COL11A1: variants seen among roughly 807,000 people sequenced by gnomAD.
COL11A1 encodes collagen alpha-1(XI) chain.
A neutral mutation model predicts 265.2 loss-of-function variants in COL11A1; 74 were observed. The ratio of observed to expected loss-of-function variants is 0.28; its 90% CI spans 0.23 to 0.34. COL11A1 has a LOEUF of 0.34. COL11A1 is among the 10% of genes least tolerant of loss of function. The pLI, the probability that COL11A1 is intolerant of heterozygous loss-of-function variation, is 1.00. For missense variants in COL11A1, 2,165 were observed against 2,263.6 expected (o/e 0.96, Z 0.88); for synonymous variants, 816 against 727.6 (o/e 1.12, Z -1.96).
chr1:103,080,849 G>A (rs1361968429), intron 2 of COL11A1, among the ~76,000 whole-genome samples: 1 of 151,812 alleles, frequency 6.6e-6, no homozygotes, highest in Non-Finnish European at 1.5e-5. Context: ...AGAGATACCT[G>A]CACTCCTATG....
intron 38 of COL11A1, among the ~76,000 whole-genome samples, chr1:102,963,887 A>C (rs976975912): frequency 2.6e-5 from 4 of 152,204 alleles, no homozygotes; most frequent in Non-Finnish European, 4.4e-5. Context: ...AGAGATTCAC[A>C]TAACTGTTTA....
At chr1:102,960,225 A>G (rs1191839208) in intron 41 of COL11A1, among the ~76,000 whole-genome samples, 1 of 152,146 alleles carries the variant, frequency 6.6e-6, no homozygotes, top group South Asian at 2.1e-4. Flanking sequence ...AGTAAAGAGT[A>G]AGTATCATGT....
At chr1:103,060,943 C>T (rs887665489) in intron 4 of COL11A1, among the ~76,000 whole-genome samples, 7 of 151,698 alleles carry the variant, frequency 4.6e-5, no homozygotes, top group Non-Finnish European at 1.0e-4. Context: ...GATTTAAATA[C>T]ACTCATTAAA....
intron 54 of COL11A1, among the ~76,000 whole-genome samples, chr1:102,901,529 G>GAC (rs11474783): frequency 0.93 from 141,390 of 152,102 alleles, 65,746 homozygotes; most frequent in East Asian, 1. Flanking sequence ...ACAAAACAAA[G>GAC]AATGCCTACG....
In COL11A1 at chr1:103,049,097, T is replaced by C. The variant is rs1471028346; in HGVS notation, c.652-17853A>G. ...GCTGTTGATTTGGGGTGGAGAGTTCTGCAGATGTCTATTAGGTCCACTTGG... is the reference window on the plus strand; with the variant it reads ...GCTGTTGATTTGGGGTGGAGAGTTCCGCAGATGTCTATTAGGTCCACTTGG... On this transcript the variant is annotated intron_variant, in intron 4 of 66. Coordinates refer to ENST00000370096, the MANE Select transcript of COL11A1 (RefSeq NM_001854.4). Among the ~76,000 whole-genome samples, 3 of 152,204 alleles carry C rather than the reference T, an allele frequency of 2.0e-5. No individual in the cohort carries two copies. The East Asian group carries it at 5.8e-4, about 29-fold the overall frequency.
At chr1:102,881,836 T>TA in intron 64 of COL11A1, 71 bp from the exon 65 acceptor site, 1 of 1,086,020 alleles carries the variant, frequency 9.2e-7, no homozygotes, top group Non-Finnish European at 1.4e-6. Flanking sequence ...TTTATATACA[T>TA]ATAATTCATT....
chr1:103,063,899 GT>G (rs1310054040), intron 4 of COL11A1, among the ~76,000 whole-genome samples: 2 of 152,120 alleles, frequency 1.3e-5, no homozygotes, highest in Non-Finnish European at 2.9e-5. Flanking sequence ...GCACAAATAT[GT>G]TGAACACCTC....
chr1:102,995,044 C>T (rs1170231517), intron 28 of COL11A1, among the ~76,000 whole-genome samples: 1 of 152,042 alleles, frequency 6.6e-6, no homozygotes, highest in Non-Finnish European at 1.5e-5. Context: ...GAAACCGCCC[C>T]CATGATCTCA....
chr1:103,084,712 T>G (rs971982898), intron 1 of COL11A1, among the ~76,000 whole-genome samples: 1 of 152,198 alleles, frequency 6.6e-6, no homozygotes, highest in Admixed American at 6.5e-5. Flanking sequence ...TCAAGTATTA[T>G]TTTAAAAACA....
chr1:102,979,433 A>G lies in COL11A1; in HGVS notation c.2559T>C (p.Gly853=). 6.3e-7 allele frequency: 1 copy of G among 1,598,060 alleles called. No individual in the cohort carries two copies. Among genetic ancestry groups the G allele is most frequent in the Non-Finnish European group, 8.6e-7 (1 of 1,165,576 alleles). Residue 853 remains glycine (G), a splice_region_variant and synonymous_variant, in exon 32 of 67, where the codon GGT becomes GGC. Coordinates refer to ENST00000370096, the MANE Select transcript of COL11A1 (RefSeq NM_001854.4). The part of the protein sequence containing the change: ...PGYPGRQGPK[G]STGFPGFPGA... ...CTGGAAACCCAGGGAATCCAGTGGA[A>G]CCCTACAATAATAAAAGTAAATAAT... is the stretch of plus-strand genomic sequence containing the variant.
At chr1:103,078,131 G>A (rs184392124) in intron 3 of COL11A1, among the ~76,000 whole-genome samples, 207 of 151,992 alleles carry the variant, frequency 1.4e-3, no homozygotes, top group Admixed American at 2.2e-3. Flanking sequence ...AAGTGCTTAC[G>A]ACCTCCTACA....
chr1:102,935,097 G>A lies in COL11A1; in HGVS notation c.3455C>T (p.Pro1152Leu). The change falls in exon 45 of 67, where the codon CCA (proline) becomes CTA (leucine). Residue 1152 changes from proline to leucine, a missense_variant. By Grantham distance (98) the Pro-to-Leu change is moderately conservative. Coordinates refer to ENST00000370096, the MANE Select transcript of COL11A1 (RefSeq NM_001854.4). ...DKGENGPPGP[P>L]GLQGPVGAPG... ...GGCACCAACTGGTCCTTGAAGACCT[G>A]GGGGACCGGGAGGGCCCTGCAGTGA... 1 of 1,613,886 alleles carries A rather than the reference G, an allele frequency of 6.2e-7. No homozygotes were observed. Among genetic ancestry groups the A allele is most frequent in the Non-Finnish European group, 8.5e-7 (1 of 1,179,866 alleles).
chr1:102,961,281 C>T (rs1660881896), intron 41 of COL11A1, among the ~76,000 whole-genome samples: 1 of 152,036 alleles, frequency 6.6e-6, no homozygotes, highest in African/African-American at 2.4e-5. Context: ...AGGTAAAAAT[C>T]TGATATTTAC....
chr1:102,941,935 G>C (rs903841558), intron 42 of COL11A1, among the ~76,000 whole-genome samples: 1 of 152,126 alleles, frequency 6.6e-6, no homozygotes, highest in Non-Finnish European at 1.5e-5. Flanking sequence ...TTAAGGAACT[G>C]TTGCTACATT....
At chr1:102,931,068 A>G (rs1277040606) in intron 46 of COL11A1, among the ~76,000 whole-genome samples, 8 of 144,178 alleles carry the variant, frequency 5.5e-5, no homozygotes, top group South Asian at 2.3e-4. Context: ...AATTTTTTGA[A>G]GGGTTTTTTG....
chr1:103,003,832 C>T (rs529679319), intron 20 of COL11A1, among the ~76,000 whole-genome samples: 90 of 152,252 alleles, frequency 5.9e-4, no homozygotes, highest in African/African-American at 2.1e-3. Flanking sequence ...ACCTGCTCAC[C>T]TTCTTTTCCT....
chr1:102,990,359 A>T (rs527761991), intron 28 of COL11A1, among the ~76,000 whole-genome samples: 171 of 152,058 alleles, frequency 1.1e-3, no homozygotes, highest in African/African-American at 4.0e-3. Context: ...CATGTCCATT[A>T]GATAAATGCC....
At chr1:103,039,459 C>T (rs1050760309) in intron 4 of COL11A1, among the ~76,000 whole-genome samples, 1 of 151,944 alleles carries the variant, frequency 6.6e-6, no homozygotes. Context: ...TTAAACGAAG[C>T]CACTAGTATG....
chr1:102,925,215 G>A (rs1167481109), intron 46 of COL11A1, among the ~76,000 whole-genome samples: 3 of 151,940 alleles, frequency 2.0e-5, no homozygotes, highest in South Asian at 2.1e-4. Context: ...CTAACCATGC[G>A]CATGTAAAGT....
Sources: allele counts gnomAD v4.1 joint callset (sites outside exome capture counted in the v4.1 genomes callset), GRCh38; gene constraint gnomAD v4.1.1; transcripts MANE v1.5; gene names NCBI Gene and HGNC (gene_info 2026-07-23, HGNC 2026-07-21).